Variants in CBLB observed in about 807,000 individuals in gnomAD.
The protein encoded by CBLB is E3 ubiquitin-protein ligase CBL-B.
CBLB carries 31 observed loss-of-function variants against 104.9 expected under a neutral mutation model. That is an observed-to-expected ratio of 0.30 (90% CI 0.22 to 0.40). The LOEUF (loss-of-function observed/expected upper bound fraction) is 0.40. Among genes scored for constraint, CBLB ranks in the 10% least tolerant of loss-of-function variants. The pLI is 1.00. For missense variants in CBLB, 1,062 were observed against 1,214.6 expected, an observed-to-expected ratio of 0.87 and a Z score of 1.87; for synonymous variants, 440 against 422.6, an observed-to-expected ratio of 1.04 and a Z score of -0.51.
chr3:105,670,934 T>G (rs1295682281), intron 17 of CBLB: 1 of 165,040 alleles, frequency 6.1e-6, no homozygotes, highest in East Asian at 1.3e-4. Flanking sequence ...TTGTTGTTAG[T>G]TGGCTCACAA....
chr3:105,752,440 C>T, intron 4 of CBLB, among the ~76,000 whole-genome samples: 1 of 152,146 alleles, frequency 6.6e-6, no homozygotes, highest in South Asian at 2.1e-4. Context: ...AGTTAACCTT[C>T]CTGCTTCAGA....
chr3:105,721,419 G>A (rs1318952952), intron 9 of CBLB, among the ~76,000 whole-genome samples: 2 of 152,138 alleles, frequency 1.3e-5, no homozygotes, highest in Non-Finnish European at 2.9e-5. Context: ...CAGATCCTGT[G>A]ATAGTTTATT....
intron 8 of CBLB, among the ~76,000 whole-genome samples, chr3:105,734,648 T>G (rs2074703844): frequency 6.6e-6 from 1 of 152,198 alleles, no homozygotes; most frequent in Non-Finnish European, 1.5e-5. Flanking sequence ...TGCCAGGCAC[T>G]GTGGTCCACA....
At chr3:105,742,407 A>G (rs1296077771) in intron 6 of CBLB, among the ~76,000 whole-genome samples, 1 of 152,182 alleles carries the variant, frequency 6.6e-6, no homozygotes, top group Non-Finnish European at 1.5e-5. Context: ...TTAAAAAAAG[A>G]AGTGATTTTT....
intron 18 of CBLB, among the ~76,000 whole-genome samples, chr3:105,661,421 G>A (rs768265797): frequency 1.4e-4 from 21 of 152,096 alleles, no homozygotes; most frequent in Non-Finnish European, 2.5e-4. Context: ...ATTATTGAAA[G>A]CTTTCCTTTA....
At chr3:105,670,093 G>T in intron 18 of CBLB, 140 bp downstream of exon 18, 1 of 740,506 alleles carries the variant, frequency 1.4e-6, no homozygotes, top group Non-Finnish European at 2.2e-6. Flanking sequence ...AGCTTTATAA[G>T]CAAAATGCAA....
At chr3:105,865,683 T>C (rs1040697163) in intron 2 of CBLB, among the ~76,000 whole-genome samples, 1 of 152,232 alleles carries the variant, frequency 6.6e-6, no homozygotes, top group African/African-American at 2.4e-5. Context: ...ATAATGATTT[T>C]ATAGTAACTA....
intron 16 of CBLB, among the ~76,000 whole-genome samples, chr3:105,679,591 C>T (rs1264788582): frequency 6.6e-6 from 1 of 151,948 alleles, no homozygotes; most frequent in Non-Finnish European, 1.5e-5. Context: ...TCCTGGCCAA[C>T]ATGGTGAAAC....
rs1553758322 is a variant in CBLB at position 105,741,107 on chromosome 3, T to TTTG, written c.846-477_846-476insCAA. Among the ~76,000 whole-genome samples the TTTG allele has an allele frequency of 3.4e-5, 5 of 147,510 alleles. No individual in the cohort carries two copies. In the East Asian group the frequency reaches 7.8e-4, roughly 23 times the overall value. On this transcript the variant is annotated intron_variant, in intron 6 of 18. Transcript: ENST00000394030. ...CATAAAAATTAGGGTTTTTTTTTTT[T>TTTG]TTTTTTTTTTGAGACGGAGTCTTAC...
chr3:105,689,532 T>C (rs2067409402), intron 13 of CBLB, among the ~76,000 whole-genome samples: 1 of 150,934 alleles, frequency 6.6e-6, no homozygotes, highest in South Asian at 2.1e-4. Flanking sequence ...AAGATATTCC[T>C]CAGCATTTCA....
chr3:105,737,775 C>T (rs2075112463), intron 7 of CBLB, among the ~76,000 whole-genome samples: 1 of 152,124 alleles, frequency 6.6e-6, no homozygotes. Flanking sequence ...TCCCATCTTC[C>T]CCTCACCTAA....
At chr3:105,829,926 T>A (rs1341013410) in intron 3 of CBLB, among the ~76,000 whole-genome samples, 1 of 152,148 alleles carries the variant, frequency 6.6e-6, no homozygotes, top group Admixed American at 6.5e-5. Flanking sequence ...TTTAAGGGGA[T>A]ATCTCATTTC....
intron 3 of CBLB, among the ~76,000 whole-genome samples, chr3:105,850,162 G>A (rs553665842): frequency 1.9e-4 from 29 of 152,134 alleles, no homozygotes; most frequent in Admixed American, 3.3e-4. Flanking sequence ...TTGGTTAGAC[G>A]TCTACGAGTA....
At chr3:105,702,024 C>A in intron 12 of CBLB, 70 bp downstream of exon 12, 2 of 1,581,998 alleles carry the variant, frequency 1.3e-6, no homozygotes, top group Admixed American at 1.7e-5. Flanking sequence ...ACTTCCCAAC[C>A]TTTTATGCTA....
intron 3 of CBLB, among the ~76,000 whole-genome samples, chr3:105,785,543 T>C (rs1374504736): frequency 6.6e-6 from 1 of 152,218 alleles, no homozygotes; most frequent in East Asian, 1.9e-4. Flanking sequence ...TCATACTTTC[T>C]GAGGAAGCAT....
intron 4 of CBLB, among the ~76,000 whole-genome samples, chr3:105,758,831 C>A (rs2077321381): frequency 6.6e-6 from 1 of 152,226 alleles, no homozygotes; most frequent in Non-Finnish European, 1.5e-5. Flanking sequence ...AGCTTGGAGA[C>A]TCCAGAAACT....
intron 5 of CBLB, among the ~76,000 whole-genome samples, chr3:105,748,712 C>T (rs1015221386): frequency 1.3e-5 from 2 of 152,158 alleles, no homozygotes; most frequent in Admixed American, 6.5e-5. Flanking sequence ...CCTCCAGTGA[C>T]TCCCAAGTAT....
intron 9 of CBLB, among the ~76,000 whole-genome samples, chr3:105,725,371 G>A (rs1435120247): frequency 6.6e-6 from 1 of 152,104 alleles, no homozygotes; most frequent in African/African-American, 2.4e-5. Context: ...TTTAAAAATG[G>A]TGTCAACTTT....
intron 10 of CBLB, among the ~76,000 whole-genome samples, chr3:105,719,254 A>T (rs2072403703): frequency 6.6e-6 from 1 of 152,092 alleles, no homozygotes; most frequent in Admixed American, 6.6e-5. Flanking sequence ...CCTTTCTTAA[A>T]TTTTTTCTTC....
Sources: gnomAD v4.1 joint callset for allele counts (sites outside exome capture counted in the v4.1 genomes callset) on GRCh38, gnomAD v4.1.1 for gene constraint, MANE v1.5 for transcripts, NCBI Gene and HGNC (gene_info 2026-07-23, HGNC 2026-07-21) for gene names.